ADAM17: variants seen among roughly 807,000 people sequenced by gnomAD.
The protein encoded by ADAM17 is ADAM metallopeptidase domain 17.
ADAM17 carries 39 observed loss-of-function variants against 96.7 expected under a neutral mutation model. That is an observed-to-expected ratio of 0.40 (90% CI 0.31 to 0.53). The LOEUF is 0.53. Among genes scored for constraint, ADAM17 ranks in the 20% least tolerant of loss-of-function variants. The probability of loss-of-function intolerance (pLI) is 0.44; values close to 1 mark genes in which losing one functional copy is unlikely to be tolerated. For missense variants in ADAM17, 777 were observed against 1,013.2 expected (o/e 0.77, Z 3.17); for synonymous variants, 344 against 359.2 (o/e 0.96, Z 0.48).
chr2:9,527,259 T>C (rs1270771169), intron 5 of ADAM17, among the ~76,000 whole-genome samples: 3 of 151,306 alleles, frequency 2.0e-5, no homozygotes, highest in Non-Finnish European at 4.4e-5. Flanking sequence ...AAGTCAAAGG[T>C]TGCAGTGAGC....
Position 9,514,381 on chromosome 2 carries a change from G to A in ADAM17, c.1191+3520C>T, listed in dbSNP as rs921470349. On this transcript the variant is annotated intron_variant, in intron 10 of 18. Coordinates refer to ENST00000310823, the MANE Select transcript of ADAM17 (RefSeq NM_003183.6). ...GTGGGGTGGGGGGAGGGGGAAGGGGGAAGGGATAGCATTAGGAGATATACC... is the reference window on the plus strand; with the variant it reads ...GTGGGGTGGGGGGAGGGGGAAGGGGAAAGGGATAGCATTAGGAGATATACC... 1.9e-4 allele frequency among the ~76,000 whole-genome samples: 25 copies of A among 129,902 alleles called. 1 individual carries two copies. The highest frequency in any genetic ancestry group is 3.9e-4 in the Non-Finnish European group (24 of 62,072). The allele number at this position is 129,902 out of a possible 152,430, so 85.2% of individuals were successfully genotyped here.
intron 12 of ADAM17, among the ~76,000 whole-genome samples, chr2:9,503,845 A>AG (rs1441383340): frequency 6.6e-6 from 1 of 151,340 alleles, no homozygotes; most frequent in Admixed American, 6.6e-5. Context: ...CTCAAAAAAA[A>AG]AAAAAAAGAA....
intron 4 of ADAM17, among the ~76,000 whole-genome samples, chr2:9,529,466 T>A (rs879146735): frequency 6.7e-6 from 1 of 150,136 alleles, no homozygotes; most frequent in Admixed American, 6.6e-5. Context: ...AATAAAAAAA[T>A]TGAAGCCACA....
chr2:9,502,257 A>G lies in ADAM17; in HGVS notation c.1564T>C (p.Cys522Arg). The change falls in exon 13 of 19, where the codon TGT becomes CGT. Residue 522 changes from cysteine (C) to arginine (R), a missense_variant. By Grantham distance (180) the Cys-to-Arg change is radical. Transcript: ENST00000310823. ...VQCSDRNSPC[C>R]KNCQFETAQK... ...GCAGTCTCAAACTGACAGTTTTTAC[A>G]GCAAGGACTGTTCCTGTCACTGGAG... The G allele has an allele frequency of 6.2e-7, 1 of 1,613,902 alleles. No homozygotes were observed. Among genetic ancestry groups the G allele is most frequent in the Non-Finnish European group, 8.5e-7 (1 of 1,179,940 alleles).
intron 8 of ADAM17, among the ~76,000 whole-genome samples, chr2:9,520,630 C>G (rs1484518462): frequency 6.6e-6 from 1 of 152,102 alleles, no homozygotes; most frequent in Non-Finnish European, 1.5e-5. Context: ...AGAAGATCCA[C>G]TGATTGTCTC....
Position 9,489,873 on chromosome 2 carries a change from C to A in ADAM17, c.*304G>T. 8.0e-6 allele frequency: 2 copies of A among 249,430 alleles called. No homozygotes were observed. Among genetic ancestry groups the A allele is most frequent in the Non-Finnish European group, 1.6e-5 (2 of 128,162 alleles). The allele number at this position is 249,430 out of a possible 1,614,324, so 15.5% of individuals were successfully genotyped here. On this transcript the variant is annotated 3_prime_UTR_variant, in exon 19 of 19. Transcript: ENST00000310823. ...GTTATCAATATAAAAGATTAATTTA[C>A]AAAAACGTAAATATTCATAACCCAA... is the stretch of plus-strand genomic sequence containing the variant.
intron 1 of ADAM17, among the ~76,000 whole-genome samples, chr2:9,551,622 G>C (rs978823898): frequency 6.6e-6 from 1 of 152,010 alleles, no homozygotes; most frequent in Non-Finnish European, 1.5e-5. Context: ...ACCACACCTG[G>C]CTAATTTTTT....
chr2:9,525,806 A>C (rs575476515), intron 6 of ADAM17, among the ~76,000 whole-genome samples: 1 of 152,352 alleles, frequency 6.6e-6, no homozygotes, highest in South Asian at 2.1e-4. Context: ...GTTCACTACC[A>C]TGATAGCAGT....
intron 8 of ADAM17, among the ~76,000 whole-genome samples, chr2:9,519,773 A>G (rs1419356765): frequency 1.3e-5 from 2 of 152,212 alleles, no homozygotes; most frequent in Non-Finnish European, 2.9e-5. Context: ...CAGCATCTAC[A>G]CCACAAGTAC....
At position 9,526,124 on chromosome 2, in the gene ADAM17, G is replaced by A. The variant is rs1664515238; in HGVS notation, c.740C>T (p.Thr247Ile). 6.2e-7 allele frequency: 1 copy of A among 1,609,022 alleles called. No individual in the cohort carries two copies. The highest frequency in any genetic ancestry group is 8.5e-7 in the Non-Finnish European group (1 of 1,178,246). ...TCAAATACTTACTAAGTAATTTGTAGTTGTACTCTCTTCCCCTCTGCCCAT... is the reference window on the plus strand; with the variant it reads ...TCAAATACTTACTAAGTAATTTGTAATTGTACTCTCTTCCCCTCTGCCCAT... ...RYMGRGEESTTTNYLIELIDR... is the reference protein window; with the variant it reads ...RYMGRGEESTITNYLIELIDR... The change falls in exon 6 of 19, where the codon ACT (threonine) becomes ATT (isoleucine). Residue 247 changes from threonine (T) to isoleucine (I), a missense_variant. Thr to Ile is a moderately conservative substitution (Grantham distance 89). Coordinates refer to ENST00000310823, the MANE Select transcript of ADAM17 (RefSeq NM_003183.6).
chr2:9,504,627 G>C (rs1245964117), intron 12 of ADAM17, among the ~76,000 whole-genome samples: 1 of 149,712 alleles, frequency 6.7e-6, no homozygotes, highest in African/African-American at 2.5e-5. Flanking sequence ...GCCGGGCATG[G>C]TGGTGCGTGC....
chr2:9,546,043 A>G (rs1490401994), intron 1 of ADAM17, among the ~76,000 whole-genome samples: 3 of 151,682 alleles, frequency 2.0e-5, no homozygotes, highest in African/African-American at 4.8e-5. Context: ...GGCTGCAGTA[A>G]GCCAAGATAG....
intron 10 of ADAM17, among the ~76,000 whole-genome samples, chr2:9,511,938 C>T (rs1663765384): frequency 6.6e-6 from 1 of 151,388 alleles, no homozygotes; most frequent in Admixed American, 6.6e-5. Context: ...CCACTGAACC[C>T]CCAGCCTGGG....
At chr2:9,527,155 T>C (rs1164273203) in intron 5 of ADAM17, among the ~76,000 whole-genome samples, 1 of 151,950 alleles carries the variant, frequency 6.6e-6, no homozygotes, top group African/African-American at 2.4e-5. Context: ...AAACCCCATC[T>C]CCACTAAAAA....
intron 10 of ADAM17, among the ~76,000 whole-genome samples, chr2:9,517,308 GACAA>G (rs1019548357): frequency 5.9e-5 from 9 of 152,106 alleles, no homozygotes; most frequent in East Asian, 1.9e-4. Context: ...AAAAACAGGT[GACAA>G]ACAAAGATAA....
intron 3 of ADAM17, 123 bp downstream of exon 3, chr2:9,536,575 A>G: frequency 7.5e-7 from 1 of 1,332,504 alleles, no homozygotes; most frequent in Non-Finnish European, 1.0e-6. Context: ...GAAAAGTCAA[A>G]GAATAGCACT....
At chr2:9,513,087 C>T (rs1292450020) in intron 10 of ADAM17, among the ~76,000 whole-genome samples, 2 of 152,084 alleles carry the variant, frequency 1.3e-5, no homozygotes, top group Non-Finnish European at 2.9e-5. Context: ...CTCTGCCTCC[C>T]AGGTTCAAGC....
At chr2:9,536,605 A>G (rs1664970395) in intron 3 of ADAM17, 93 bp downstream of exon 3, 2 of 1,533,868 alleles carry the variant, frequency 1.3e-6, no homozygotes, top group Admixed American at 4.0e-5. Context: ...CCCCGTCCCC[A>G]CTATCCTGCA....
At chr2:9,540,170 C>T (rs1357027762) in intron 2 of ADAM17, among the ~76,000 whole-genome samples, 1 of 152,122 alleles carries the variant, frequency 6.6e-6, no homozygotes, top group East Asian at 1.9e-4. Flanking sequence ...CAAAGAAACC[C>T]AAAAAGCTAA....
Sources: gnomAD v4.1 joint callset for allele counts (sites outside exome capture counted in the v4.1 genomes callset) on GRCh38, gnomAD v4.1.1 for gene constraint, MANE v1.5 for transcripts, NCBI Gene and HGNC (gene_info 2026-07-23, HGNC 2026-07-21) for gene names.